NF1: variants seen among roughly 807,000 people sequenced by gnomAD.
The protein encoded by NF1 is neurofibromin 1.
A neutral mutation model predicts 325.7 loss-of-function variants in NF1; 122 were observed. The observed-to-expected ratio is 0.37, with a 90% CI of 0.32 to 0.44. The LOEUF (loss-of-function observed/expected upper bound fraction) is 0.44. Among genes scored for constraint, NF1 ranks in the 20% least tolerant of loss-of-function variants. NF1 has a pLI of 1.00. For missense variants in NF1, 2,140 were observed against 3,415.4 expected (o/e 0.63, Z 9.31); for synonymous variants, 1,091 against 1,186.0 (o/e 0.92, Z 1.65).
intron 56 of NF1, 134 bp downstream of exon 56, chr17:31,359,149 TAA>T: frequency 1.3e-6 from 1 of 780,984 alleles, no homozygotes; most frequent in Non-Finnish European, 2.1e-6. Flanking sequence ...GTTACTTTTA[TAA>T]AAAGTTTCTC....
intron 27 of NF1, 45 bp from the exon 28 acceptor site, chr17:31,235,566 A>C (rs1481695181): frequency 6.2e-7 from 1 of 1,610,740 alleles, no homozygotes; most frequent in East Asian, 2.2e-5. Flanking sequence ...ACCTAAGAAT[A>C]AAAATGGGAT....
chr17:31,226,505 T>A lies in NF1; in HGVS notation c.2072T>A (p.Leu691Gln), dbSNP rs1131691132. ...RQAQTKLEVALYMFLWNPDTE... is the reference protein window; with the variant it reads ...RQAQTKLEVAQYMFLWNPDTE... ...GCCCAGACCAAACTAGAAGTGGCCCTGTACATGTTTCTGTGGAACCCTGAC... is the reference window on the plus strand; with the variant it reads ...GCCCAGACCAAACTAGAAGTGGCCCAGTACATGTTTCTGTGGAACCCTGAC... The change falls in exon 18 of 58, where the codon CTG (leucine) becomes CAG (glutamine). Residue 691 changes from leucine (L) to glutamine (Q), a missense_variant. By Grantham distance (113) the Leu-to-Gln change is moderately radical. This residue lies in a region of NF1 where 380 missense variants were observed against 639.3 expected (regional missense o/e 0.59). Coordinates refer to ENST00000358273, the MANE Select transcript of NF1 (RefSeq NM_001042492.3). 6.2e-7 allele frequency: 1 copy of A among 1,613,920 alleles called. No homozygotes were observed. The highest frequency in any genetic ancestry group is 8.5e-7 in the Non-Finnish European group (1 of 1,179,806).
chr17:31,128,543 C>A (rs1915079966), intron 1 of NF1: 1 of 152,064 alleles, frequency 6.6e-6, no homozygotes, highest in Non-Finnish European at 1.5e-5. Flanking sequence ...TCAGCATTTG[C>A]TTGCCTGAAA....
chr17:31,112,211 A>G (rs1913477597), intron 1 of NF1, among the ~76,000 whole-genome samples: 1 of 152,162 alleles, frequency 6.6e-6, no homozygotes, highest in Non-Finnish European at 1.5e-5. Flanking sequence ...AGACAACTCA[A>G]ATTTTCACCA....
chr17:31,241,506 G>A (rs1391819318), intron 29 of NF1, among the ~76,000 whole-genome samples: 2 of 151,702 alleles, frequency 1.3e-5, no homozygotes, highest in South Asian at 2.1e-4. Flanking sequence ...TATTTTTTGT[G>A]CATCTGTTGT....
Position 31,182,418 on chromosome 17 carries a change from C to A in NF1, c.731-90C>A, listed in dbSNP as rs1254184889. 3 of 1,255,402 alleles carry A rather than the reference C, an allele frequency of 2.4e-6. No individual in the cohort carries two copies. In the Admixed American group the frequency reaches 5.8e-5, roughly 24 times the overall value. The allele number at this position is 1,255,402 out of a possible 1,614,324, so 77.8% of individuals were successfully genotyped here. A position where few individuals can be genotyped will look rare whatever the true frequency, so the allele number is the denominator to read the frequency against. On this transcript the variant is annotated intron_variant, in intron 7 of 57. Transcript: ENST00000358273. ...CATGTTTATCTTTTAAAAATGTTGCCCTTGGGTTTTTACATAGTGTCAGCT... is the reference window on the plus strand; with the variant it reads ...CATGTTTATCTTTTAAAAATGTTGCACTTGGGTTTTTACATAGTGTCAGCT...
chr17:31,249,260 T>G, intron 30 of NF1, 141 bp downstream of exon 30: 2 of 1,013,314 alleles, frequency 2.0e-6, no homozygotes, highest in Non-Finnish European at 3.0e-6. Flanking sequence ...CATTGAGAAT[T>G]GTTGGAATTG....
intron 3 of NF1, among the ~76,000 whole-genome samples, chr17:31,161,829 A>C (rs1366237371): frequency 6.6e-6 from 1 of 152,050 alleles, no homozygotes; most frequent in Non-Finnish European, 1.5e-5. Flanking sequence ...TGAGGTCAGG[A>C]ATCCAAGACC....
intron 8 of NF1, among the ~76,000 whole-genome samples, chr17:31,192,081 G>A (rs2066353234): frequency 6.6e-6 from 1 of 152,028 alleles, no homozygotes; most frequent in African/African-American, 2.4e-5. Context: ...TTTTTAAAAA[G>A]AAATATTTGA....
At chr17:31,107,535 G>A (rs1912970943) in intron 1 of NF1, among the ~76,000 whole-genome samples, 1 of 151,778 alleles carries the variant, frequency 6.6e-6, no homozygotes, top group East Asian at 1.9e-4. Context: ...AGAGTGCTGG[G>A]ATTACAGGCA....
chr17:31,288,638 G>A (rs2068289111), intron 36 of NF1, among the ~76,000 whole-genome samples: 1 of 150,620 alleles, frequency 6.6e-6, no homozygotes, highest in South Asian at 2.1e-4. Context: ...CCGGGTTCAA[G>A]CGATCCTCCT....
intron 1 of NF1, among the ~76,000 whole-genome samples, chr17:31,150,108 T>C (rs752499486): frequency 2.2e-4 from 34 of 152,242 alleles, no homozygotes; most frequent in African/African-American, 7.7e-4. Context: ...TCTGAAATGC[T>C]TGGGACCAGA....
At chr17:31,345,118 G>A (rs1384953757) in intron 48 of NF1, among the ~76,000 whole-genome samples, 1 of 152,124 alleles carries the variant, frequency 6.6e-6, no homozygotes, top group Non-Finnish European at 1.5e-5. Context: ...GTGACACTCT[G>A]TCTTAAAAGA....
intron 25 of NF1, among the ~76,000 whole-genome samples, chr17:31,232,473 A>G (rs1450315712): frequency 2.0e-5 from 3 of 152,184 alleles, no homozygotes; most frequent in African/African-American, 4.8e-5. Context: ...TATTGCATCT[A>G]TTTGATGCTA....
At chr17:31,130,574 C>T (rs1395822582) in intron 1 of NF1, among the ~76,000 whole-genome samples, 8 of 96,324 alleles carry the variant, frequency 8.3e-5, no homozygotes, top group Admixed American at 2.8e-4. Context: ...CTTCAGTGGC[C>T]GGTAAGGGGT....
At position 31,181,688 on chromosome 17, in the gene NF1, A is replaced by C. The variant is rs372215771; in HGVS notation, c.655-22A>C. On this transcript the variant is annotated intron_variant, in intron 6 of 57. Transcript: ENST00000358273. ...TGTATTACAAAAAATCACTGTAAAG[A>C]CATGTGGTTCTTTATTTATAGGCAT... 127 of 1,553,494 alleles carry C rather than the reference A, an allele frequency of 8.2e-5. No individual in the cohort carries two copies. The African/African-American group carries it at 1.4e-3, about 17-fold the overall frequency.
chr17:31,184,666 A>AAAAAAAAAAAAAT (rs1567828025), intron 8 of NF1, among the ~76,000 whole-genome samples: 2 of 140,564 alleles, frequency 1.4e-5, no homozygotes, highest in Admixed American at 7.0e-5. Flanking sequence ...AAAATAAAAA[A>AAAAAAAAAAAAAT]AAAAAATAAA....
chr17:31,108,975 A>C (rs1290930617), intron 1 of NF1, among the ~76,000 whole-genome samples: 3 of 152,224 alleles, frequency 2.0e-5, no homozygotes, highest in Non-Finnish European at 1.5e-5. Context: ...TGTCTACTCT[A>C]AACTCAAAAG....
chr17:31,284,805 A>G (rs959643284), intron 36 of NF1, among the ~76,000 whole-genome samples: 6 of 152,058 alleles, frequency 3.9e-5, no homozygotes, highest in African/African-American at 1.2e-4. Flanking sequence ...ATTGGGATGT[A>G]TTTATGAAGT....
Sources: gnomAD v4.1 joint callset for allele counts (sites outside exome capture counted in the v4.1 genomes callset) on GRCh38, gnomAD v4.1.1 for gene constraint, gnomAD v4.1.1 regional missense constraint, MANE v1.5 for transcripts, NCBI Gene and HGNC (gene_info 2026-07-23, HGNC 2026-07-21) for gene names.